Variants in SLC10A7 observed in about 807,000 individuals in gnomAD.
The protein encoded by SLC10A7 is solute carrier family 10 member 7.
Under a neutral mutation model 43.2 loss-of-function variants are expected in SLC10A7, and 29 were observed. The observed-to-expected ratio is 0.67, with a 90% CI of 0.50 to 0.92. The LOEUF is 0.92. Ranked by LOEUF, SLC10A7 falls within the 40% of genes least tolerant of loss-of-function variation. The pLI is 0.00. For missense variants in SLC10A7, 295 were observed against 403.2 expected (o/e 0.73, Z 2.30); for synonymous variants, 152 against 144.8 (o/e 1.05, Z -0.35).
intron 5 of SLC10A7, among the ~76,000 whole-genome samples, chr4:146,402,841 TTC>T (rs751681266): frequency 6.6e-6 from 1 of 152,192 alleles, no homozygotes; most frequent in Non-Finnish European, 1.5e-5. Flanking sequence ...AAGTTGTCTT[TTC>T]TCTCTGTTTC....
chr4:146,413,670 T>C lies in SLC10A7; in HGVS notation c.435+29113A>G, dbSNP rs181984226. ...CTTTTTTATTCAAATGTAAATACTA[T>C]CGTTTGCAGACTTTCCATTCAAGCT... On this transcript the variant is annotated intron_variant, in intron 5 of 11. Transcript: ENST00000335472. Among the ~76,000 whole-genome samples the C allele has an allele frequency of 2.0e-5, 3 of 152,288 alleles. No individual in the cohort carries two copies. The East Asian group carries it at 5.8e-4, about 29-fold the overall frequency.
chr4:146,385,251 G>A (rs929566228), intron 5 of SLC10A7, among the ~76,000 whole-genome samples: 10 of 152,082 alleles, frequency 6.6e-5, no homozygotes, highest in African/African-American at 2.4e-4. Context: ...TGTGGCAGGT[G>A]CTTCACATGT....
intron 6 of SLC10A7, among the ~76,000 whole-genome samples, chr4:146,319,540 A>C (rs941507215): frequency 6.6e-6 from 1 of 152,060 alleles, no homozygotes; most frequent in African/African-American, 2.4e-5. Context: ...TTCCACTAGT[A>C]TTCTCAAAAT....
intron 4 of SLC10A7, among the ~76,000 whole-genome samples, chr4:146,471,761 G>C (rs1733590888): frequency 6.6e-6 from 1 of 152,096 alleles, no homozygotes; most frequent in South Asian, 2.1e-4. Flanking sequence ...TGAAGTAAAT[G>C]AGAAGTAAAA....
chr4:146,299,642 G>A (rs1731022483), intron 7 of SLC10A7, among the ~76,000 whole-genome samples: 1 of 152,172 alleles, frequency 6.6e-6, no homozygotes. Context: ...TGAGACGTGA[G>A]TGCAATGGGC....
At chr4:146,493,413 T>A (rs763808706) in intron 4 of SLC10A7, among the ~76,000 whole-genome samples, 1 of 151,994 alleles carries the variant, frequency 6.6e-6, no homozygotes, top group Non-Finnish European at 1.5e-5. Context: ...TCAATGTTTA[T>A]GTAGAACTGT....
intron 5 of SLC10A7, among the ~76,000 whole-genome samples, chr4:146,423,649 A>C (rs1030225306): frequency 5.3e-5 from 8 of 152,236 alleles, no homozygotes; most frequent in Admixed American, 4.6e-4. Flanking sequence ...TGGTAATTTC[A>C]ACAGTGAAGA....
chr4:146,428,833 A>T (rs1411899654), intron 5 of SLC10A7, among the ~76,000 whole-genome samples: 1 of 152,198 alleles, frequency 6.6e-6, no homozygotes, highest in African/African-American at 2.4e-5. Flanking sequence ...TATATAATAG[A>T]AATCACTTAT....
At chr4:146,449,209 C>T (rs374069691) in intron 4 of SLC10A7, among the ~76,000 whole-genome samples, 1 of 152,186 alleles carries the variant, frequency 6.6e-6, no homozygotes, top group East Asian at 1.9e-4. Context: ...TATAAGTGAA[C>T]CAGAAATAAA....
intron 10 of SLC10A7, among the ~76,000 whole-genome samples, chr4:146,268,484 C>T (rs944798494): frequency 6.6e-6 from 1 of 152,244 alleles, no homozygotes; most frequent in Admixed American, 6.5e-5. Flanking sequence ...GCAGTCACAC[C>T]TTACACAGGA....
rs1261090768 is a variant in SLC10A7 at position 146,254,519 on chromosome 4, A to T, written c.*1972T>A. On this transcript the variant is annotated 3_prime_UTR_variant, in exon 12 of 12. Coordinates refer to ENST00000335472, the MANE Select transcript of SLC10A7 (RefSeq NM_001029998.6). Reference sequence around the variant, plus strand: ...CATATCACTAACGCCACCAAAGTTCACTATGTAAAGATTATTTGAAAACAA... The same window carrying T: ...CATATCACTAACGCCACCAAAGTTCTCTATGTAAAGATTATTTGAAAACAA... 1 of 152,242 alleles carries T rather than the reference A, an allele frequency of 6.6e-6. No homozygotes were observed. The highest frequency in any genetic ancestry group is 2.4e-5 in the African/African-American group (1 of 41,470). 9.4% of individuals were successfully genotyped at this position (152,242 alleles called of 1,614,324 possible).
At chr4:146,458,440 C>A (rs1732269159) in intron 4 of SLC10A7, among the ~76,000 whole-genome samples, 1 of 151,758 alleles carries the variant, frequency 6.6e-6, no homozygotes, top group South Asian at 2.1e-4. Flanking sequence ...TCTATCCAAT[C>A]TTGGCCTTGT....
intron 5 of SLC10A7, among the ~76,000 whole-genome samples, chr4:146,423,054 T>C (rs1729070510): frequency 6.6e-6 from 1 of 152,130 alleles, no homozygotes; most frequent in African/African-American, 2.4e-5. Context: ...AGAACAATTG[T>C]GTATAAAAAT....
chr4:146,482,161 G>A (rs770035436), intron 4 of SLC10A7, among the ~76,000 whole-genome samples: 2 of 152,056 alleles, frequency 1.3e-5, no homozygotes, highest in African/African-American at 2.4e-5. Flanking sequence ...AGAGGTGATC[G>A]TACCATCAGA....
chr4:146,399,171 G>C (rs192859605), intron 5 of SLC10A7, among the ~76,000 whole-genome samples: 4 of 151,996 alleles, frequency 2.6e-5, no homozygotes, highest in Non-Finnish European at 5.9e-5. Context: ...CTAGACACAG[G>C]GGGTGGCTAG....
intron 5 of SLC10A7, among the ~76,000 whole-genome samples, chr4:146,385,155 C>T (rs1022573571): frequency 1.3e-5 from 2 of 151,986 alleles, no homozygotes; most frequent in Non-Finnish European, 2.9e-5. Flanking sequence ...ATTTCCTCTG[C>T]TAATACCCTA....
chr4:146,406,353 T>A (rs957018516), intron 5 of SLC10A7, among the ~76,000 whole-genome samples: 3 of 152,242 alleles, frequency 2.0e-5, no homozygotes, highest in African/African-American at 7.2e-5. Context: ...CTGTGTTTTT[T>A]AAAATTTTGC....
chr4:146,297,084 G>A (rs923165), intron 7 of SLC10A7, among the ~76,000 whole-genome samples: 124,475 of 152,098 alleles, frequency 0.82, 51,740 homozygotes, highest in African/African-American at 0.95. Context: ...TGAGGTGGGA[G>A]AAGACATTCT....
intron 5 of SLC10A7, among the ~76,000 whole-genome samples, chr4:146,402,319 C>T (rs996997374): frequency 3.3e-5 from 5 of 152,154 alleles, no homozygotes; most frequent in Non-Finnish European, 5.9e-5. Flanking sequence ...TCTCCCTTTC[C>T]ATATTCATAA....
Sources: allele counts gnomAD v4.1 joint callset (sites outside exome capture counted in the v4.1 genomes callset), GRCh38; gene constraint gnomAD v4.1.1; transcripts MANE v1.5; gene names NCBI Gene and HGNC (gene_info 2026-07-23, HGNC 2026-07-21).